KEAP1: variants seen among roughly 807,000 people sequenced by gnomAD.
The protein encoded by KEAP1 is kelch like ECH associated protein 1.
In KEAP1, 26 loss-of-function variants were observed where a neutral mutation model predicts 59.7. The observed-to-expected ratio is 0.44, with a 90% CI of 0.32 to 0.60. The LOEUF is 0.60. KEAP1 is among the 20% of genes least tolerant of loss of function. KEAP1 has a pLI of 0.06. For synonymous variants in KEAP1, 350 were observed against 358.3 expected (o/e 0.98, Z 0.26); for missense variants, 539 against 871.4 (o/e 0.62, Z 4.80).
Position 10,491,548 on chromosome 19 carries a change from C to T in KEAP1, c.1325+29G>A, listed in dbSNP as rs771346608. The T allele has an allele frequency of 1.8e-5, 27 of 1,487,650 alleles. No individual in the cohort carries two copies. In the Admixed American group the frequency reaches 2.4e-4, roughly 13 times the overall value. 92.2% of individuals were successfully genotyped at this position (1,487,650 alleles called of 1,614,324 possible). ...GGGACTTGCCAGGAGCAGGACCCTC[C>T]GAGCCCACCCCCAGGCCCTGCCACT... On this transcript the variant is annotated intron_variant, in intron 3 of 5. Transcript: ENST00000171111. The surrounding 1 kb of genome is among the most constrained non-coding windows in gnomAD (Gnocchi z 5.2).
intron 2 of KEAP1, among the ~76,000 whole-genome samples, chr19:10,498,460 G>C (rs1484480809): frequency 6.6e-6 from 1 of 152,166 alleles, no homozygotes; most frequent in Non-Finnish European, 1.5e-5. Flanking sequence ...ACCCGCCTCA[G>C]CCTCCCAAAG....
At position 10,489,085 on chromosome 19, in the gene KEAP1, C is replaced by T. The variant is rs555299168; in HGVS notation, c.1708+107G>A. The T allele has an allele frequency of 1.9e-3, 1,843 of 948,372 alleles. 57 individuals carry two copies. The South Asian group carries it at 0.032, about 17-fold the overall frequency. The allele number at this position is 948,372 out of a possible 1,614,324, so 58.7% of individuals were successfully genotyped here. On this transcript the variant is annotated intron_variant, in intron 5 of 5. Transcript: ENST00000171111. Reference sequence around the variant, plus strand: ...ACTCCAGCTGGGCAACAGAGCGAGACCTTGTTTCTAAAAAAAAAAAAAAAA... The same window carrying T: ...ACTCCAGCTGGGCAACAGAGCGAGATCTTGTTTCTAAAAAAAAAAAAAAAA...
chr19:10,489,094 TAAAAAA>T (rs33966407), intron 5 of KEAP1, 92 bp downstream of exon 5: 1,167 of 424,242 alleles, frequency 2.8e-3, no homozygotes, highest in East Asian at 5.9e-3. Flanking sequence ...ACCTTGTTTC[TAAAAAA>T]AAAAAAAAAA....
intron 1 of KEAP1, among the ~76,000 whole-genome samples, chr19:10,501,486 C>T (rs1424088276): frequency 6.7e-5 from 10 of 148,816 alleles, no homozygotes; most frequent in Non-Finnish European, 1.3e-4. Flanking sequence ...AAAAATTAGC[C>T]GGGTGTGGCG....
rs773547929 is a variant in KEAP1, at chr19:10,492,046, G to A, written c.856C>T (p.Gln286Ter). 1.2e-6 allele frequency: 2 copies of A among 1,614,074 alleles called. No individual in the cohort carries two copies. Among genetic ancestry groups the A allele is most frequent in the Non-Finnish European group, 1.7e-6 (2 of 1,180,054 alleles). Residue 286 changes from glutamine to a stop codon, truncating the protein, a stop_gained, in exon 3 of 6, where the codon CAG becomes TAG. Transcript: ENST00000171111. LOFTEE classifies it high-confidence loss of function. Reference protein sequence around the residue: ...LTPNFLQMQLQKCEILQSDSR... With the variant: ...LTPNFLQMQL ...TCGGACTGCAGGATCTCGCACTTCT[G>A]CAGCTGCATCTGCAGGAAGTTCGGC...
At chr19:10,497,621 T>C (rs767415157) in intron 2 of KEAP1, among the ~76,000 whole-genome samples, 1 of 152,172 alleles carries the variant, frequency 6.6e-6, no homozygotes, top group African/African-American at 2.4e-5. Flanking sequence ...TGGTGCTTCA[T>C]ACCTGTAATC....
rs1325429815 is a variant in KEAP1 at position 10,503,037 on chromosome 19, C to G, written c.-48+204G>C. 7.9e-5 allele frequency: 12 copies of G among 151,984 alleles called. No individual in the cohort carries two copies. The highest frequency in any genetic ancestry group is 2.4e-4 in the African/African-American group (10 of 41,400). The allele number at this position is 151,984 out of a possible 1,614,324, so 9.4% of individuals were successfully genotyped here. On this transcript the variant is annotated intron_variant, in intron 1 of 5. Transcript: ENST00000171111. This position sits in a 1 kb window ranked among gnomAD's most constrained non-coding sequence, Gnocchi z 4.3. ...CGAGTTCCAGGCCTGCGCGCCCCGG[C>G]CCGCACCAGGGGTGGGGTGGACACC... is the stretch of plus-strand genomic sequence containing the variant.
At position 10,489,307 on chromosome 19, in the gene KEAP1, C is replaced by G. The variant is rs1914588432; in HGVS notation, c.1593G>C (p.Leu531=). Residue 531 remains leucine, a synonymous_variant, in exon 5 of 6, where the codon CTG becomes CTC. Transcript: ENST00000171111. ...CCACATCGTAGCGCTCCACGCTGTT[C>G]AGCTGGTCCTGACCATCATAGCCCC... is the stretch of plus-strand genomic sequence containing the variant. ...AAGGYDGQDQ[L]NSVERYDVET... is the part of the protein sequence containing the mutation. 1.2e-6 allele frequency: 2 copies of G among 1,614,050 alleles called. No individual in the cohort carries two copies. Among genetic ancestry groups the G allele is most frequent in the Non-Finnish European group, 1.7e-6 (2 of 1,180,006 alleles).
At chr19:10,487,466 C>A (rs557490288) in intron 5 of KEAP1, among the ~76,000 whole-genome samples, 2 of 149,474 alleles carry the variant, frequency 1.3e-5, no homozygotes, top group African/African-American at 4.9e-5. Context: ...AGGCCAGCCT[C>A]GCCAACAGAG....
Position 10,492,126 on chromosome 19 carries a change from T to C in KEAP1, c.776A>G (p.Gln259Arg), listed in dbSNP as rs763955184. Residue 259 changes from glutamine to arginine, a missense_variant, in exon 3 of 6, where the codon CAG becomes CGG. Physicochemically the swap from Gln to Arg is conservative, Grantham distance 43 (BLOSUM62 1). This residue lies in a region of KEAP1 where 61 missense variants were observed against 129.9 expected (regional missense o/e 0.47). Transcript: ENST00000171111. ...CINWVKYDCEQRRFYVQALLR... is the reference protein window; with the variant it reads ...CINWVKYDCERRRFYVQALLR... Reference sequence around the variant, plus strand: ...CAGCGCCTGGACGTAGAACCGTCGCTGTTCGCAGTCGTACTTGACCCAGTT... The same window carrying C: ...CAGCGCCTGGACGTAGAACCGTCGCCGTTCGCAGTCGTACTTGACCCAGTT... 5.6e-6 allele frequency: 9 copies of C among 1,613,902 alleles called. No homozygotes were observed. The highest frequency in any genetic ancestry group is 6.8e-6 in the Non-Finnish European group (8 of 1,180,052).
chr19:10,488,410 C>G (rs185466128), intron 5 of KEAP1, among the ~76,000 whole-genome samples: 9 of 150,466 alleles, frequency 6.0e-5, no homozygotes, highest in Non-Finnish European at 1.2e-4. Context: ...GTCAGGCGTT[C>G]AAGACCAGCC....
intron 2 of KEAP1, among the ~76,000 whole-genome samples, chr19:10,495,680 AGAGT>A (rs1371512103): frequency 8.6e-5 from 13 of 152,014 alleles, no homozygotes; most frequent in Non-Finnish European, 1.9e-4. Flanking sequence ...CCTGAGCAAC[AGAGT>A]GAGACTCCAT....
At chr19:10,500,925 C>T (rs1255965861) in intron 1 of KEAP1, among the ~76,000 whole-genome samples, 1 of 152,152 alleles carries the variant, frequency 6.6e-6, no homozygotes, top group African/African-American at 2.4e-5. Flanking sequence ...AGTGAGCCGC[C>T]CGCCTTGGCA....
chr19:10,496,361 T>C (rs1289594403), intron 2 of KEAP1, among the ~76,000 whole-genome samples: 1 of 149,898 alleles, frequency 6.7e-6, no homozygotes, highest in African/African-American at 2.5e-5. Flanking sequence ...CTGGGCATGG[T>C]GACACATGCC....
Position 10,489,468 on chromosome 19 carries a change from C to T in KEAP1, c.1532-100G>A, listed in dbSNP as rs941673171. ...AGACCTTTCCTCTCTCCTCTCCCTT[C>T]TCACCCTCAGAAATGAAGCGGGGAG... On this transcript the variant is annotated intron_variant, in intron 4 of 5. Transcript: ENST00000171111. 4 of 1,328,940 alleles carry T rather than the reference C, an allele frequency of 3.0e-6. No individual in the cohort carries two copies. The African/African-American group carries it at 5.8e-5, about 19-fold the overall frequency. 82.3% of individuals were successfully genotyped at this position (1,328,940 alleles called of 1,614,324 possible). A position where few individuals can be genotyped will look rare whatever the true frequency, so the allele number is the denominator to read the frequency against.
At chr19:10,500,973 C>A (rs1038503466) in intron 1 of KEAP1, among the ~76,000 whole-genome samples, 12 of 152,158 alleles carry the variant, frequency 7.9e-5, no homozygotes, top group Admixed American at 7.9e-4. Flanking sequence ...AGCCACCATG[C>A]CTGACCCGGG....
chr19:10,495,614 C>T (rs1172345727), intron 2 of KEAP1, among the ~76,000 whole-genome samples: 1 of 151,962 alleles, frequency 6.6e-6, no homozygotes, highest in Non-Finnish European at 1.5e-5. Flanking sequence ...AGGAAAATCG[C>T]TTGAATCCAG....
chr19:10,499,784 T>A lies in KEAP1; in HGVS notation c.250A>T (p.Lys84Ter), dbSNP rs2144628661. The A allele has an allele frequency of 6.2e-7, 1 of 1,614,104 alleles. No homozygotes were observed. The highest frequency in any genetic ancestry group is 8.5e-7 in the Non-Finnish European group (1 of 1,180,022). ...QQLCDVTLQVKYQDAPAAQFM... is the reference protein window; with the variant it reads ...QQLCDVTLQV ...TGGGCGGCCGGTGCATCCTGGTACT[T>A]GACCTGCAGTGTGACGTCACACAGC... Residue 84 changes from lysine (K) to a stop codon, truncating the protein, a stop_gained, in exon 2 of 6, where the codon AAG becomes TAG. Transcript: ENST00000171111. LOFTEE classifies it high-confidence loss of function. This position sits in a 1 kb window ranked among gnomAD's most constrained non-coding sequence, Gnocchi z 6.7.
rs12980919 is a variant in KEAP1, at chr19:10,487,892, G to C, written c.1709-1074C>G. ...ACCTGTAATCCCATCCCTCTGGGAG[G>C]CCGAGGCGGGCAGATCACCTGAGGT... On this transcript the variant is annotated intron_variant, in intron 5 of 5. Coordinates refer to ENST00000171111, the MANE Select transcript of KEAP1 (RefSeq NM_203500.2). 2.8e-3 allele frequency among the ~76,000 whole-genome samples: 426 copies of C among 152,104 alleles called. 2 individuals are homozygous for C. Among genetic ancestry groups the C allele is most frequent in the Non-Finnish European group, 4.6e-3 (310 of 67,974 alleles).
Sources: allele counts gnomAD v4.1 joint callset (sites outside exome capture counted in the v4.1 genomes callset), GRCh38; gene constraint gnomAD v4.1.1; regional missense constraint gnomAD v4.1.1; non-coding constraint Gnocchi (gnomAD v3.1); transcripts MANE v1.5; gene names NCBI Gene and HGNC (gene_info 2026-07-23, HGNC 2026-07-21).